RBFOX1: variants seen among roughly 807,000 people sequenced by gnomAD.
RBFOX1 encodes RNA binding protein fox-1 homolog 1.
A neutral mutation model predicts 57.7 loss-of-function variants in RBFOX1; 8 were observed. That is an observed-to-expected ratio of 0.14 (90% CI 0.08 to 0.25). RBFOX1 has a LOEUF of 0.25. RBFOX1 is among the 10% of genes least tolerant of loss of function. RBFOX1 has a pLI of 1.00. For synonymous variants in RBFOX1, 326 were observed against 222.4 expected, an observed-to-expected ratio of 1.47 and a Z score of -4.15; for missense variants, 611 against 548.5, an observed-to-expected ratio of 1.11 and a Z score of -1.14.
intron 4 of RBFOX1, among the ~76,000 whole-genome samples, chr16:7,370,482 C>T (rs143810035): frequency 1.1e-4 from 16 of 152,276 alleles, no homozygotes; most frequent in East Asian, 5.8e-4. Context: ...TTTATCAACG[C>T]GGGTAAGTTC....
intron 1 of RBFOX1, among the ~76,000 whole-genome samples, chr16:5,330,685 G>A (rs1596541055): frequency 1.3e-5 from 2 of 151,352 alleles, no homozygotes; most frequent in East Asian, 3.9e-4. Context: ...GATTACAGGT[G>A]TGAGCCAGTT....
At chr16:7,386,044 C>G (rs1338292667) in intron 4 of RBFOX1, among the ~76,000 whole-genome samples, 1 of 151,982 alleles carries the variant, frequency 6.6e-6, no homozygotes, top group Non-Finnish European at 1.5e-5. Context: ...ACGGCTCAGC[C>G]TCCCAAAGTG....
Position 5,526,139 on chromosome 16 carries a change from G to A in RBFOX1, c.258+58885G>A, listed in dbSNP as rs931320282. ...CCTTGGCTGCTCAGGCCTCTGTCTC[G>A]AGAGTGACTTTGCTTCTCTCTTCCC... On this transcript the variant is annotated intron_variant, in intron 2 of 2. Coordinates refer to the RBFOX1 transcript ENST00000585867. 7.2e-5 allele frequency among the ~76,000 whole-genome samples: 11 copies of A among 152,006 alleles called. No homozygotes were observed. The South Asian group carries it at 1.2e-3, about 17-fold the overall frequency.
At chr16:6,514,914 A>G (rs1179482003) in intron 2 of RBFOX1, among the ~76,000 whole-genome samples, 1 of 152,116 alleles carries the variant, frequency 6.6e-6, no homozygotes, top group Non-Finnish European at 1.5e-5. Context: ...GAGGGAGAGA[A>G]AAGGGGAGAA....
At chr16:7,222,207 G>C (rs2092782285) in intron 4 of RBFOX1, among the ~76,000 whole-genome samples, 1 of 152,206 alleles carries the variant, frequency 6.6e-6, no homozygotes, top group South Asian at 2.1e-4. Context: ...AGGGCAGGTG[G>C]TTCACAAAGG....
intron 3 of RBFOX1, among the ~76,000 whole-genome samples, chr16:6,738,736 C>A (rs962179578): frequency 3.3e-5 from 5 of 152,038 alleles, no homozygotes; most frequent in African/African-American, 1.2e-4. Context: ...ATGTCCTAGG[C>A]CATAAAATAG....
chr16:5,287,728 T>G (rs2063432108), intron 1 of RBFOX1, among the ~76,000 whole-genome samples: 1 of 152,144 alleles, frequency 6.6e-6, no homozygotes, highest in Non-Finnish European at 1.5e-5. Context: ...CGAGCACAAA[T>G]GAATGCACAG....
chr16:7,464,811 C>G (rs1275988319), intron 4 of RBFOX1, among the ~76,000 whole-genome samples: 2 of 150,482 alleles, frequency 1.3e-5, no homozygotes, highest in Admixed American at 1.3e-4. Flanking sequence ...ATTCTCCTGC[C>G]TCAGCCTCCC....
intron 3 of RBFOX1, among the ~76,000 whole-genome samples, chr16:6,859,174 T>TAC (rs778753196): frequency 0.078 from 4,990 of 64,314 alleles, 301 homozygotes; most frequent in African/African-American, 0.11. Flanking sequence ...CGTATATATA[T>TAC]GTATATATAT....
intron 1 of RBFOX1, among the ~76,000 whole-genome samples, chr16:5,279,478 A>G (rs2063218346): frequency 6.6e-6 from 1 of 150,926 alleles, no homozygotes; most frequent in Admixed American, 6.6e-5. Context: ...ACTGAATTAT[A>G]CGTCCGTTTT....
intron 4 of RBFOX1, among the ~76,000 whole-genome samples, chr16:7,320,925 T>C (rs1200187783): frequency 6.6e-6 from 1 of 152,124 alleles, no homozygotes; most frequent in Non-Finnish European, 1.5e-5. Context: ...CAGCCAGGGA[T>C]TTTCAGAGCC....
chr16:7,515,961 C>T lies in RBFOX1; in HGVS notation c.28-2186C>T. Among the ~76,000 whole-genome samples, 6 of 152,278 alleles carry T rather than the reference C, an allele frequency of 3.9e-5. No individual in the cohort carries two copies. In the East Asian group the frequency reaches 1.2e-3, roughly 29 times the overall value. On this transcript the variant is annotated intron_variant, in intron 4 of 15. Coordinates refer to ENST00000550418, the MANE Select transcript of RBFOX1 (RefSeq NM_018723.4). The stretch of plus-strand genomic sequence containing the variant: ...CCACATTCAAGTGGTTCTCCTGCCT[C>T]AGTCTCCGGAGTAGCTAAGATTACA...
At chr16:5,923,383 G>A (rs2152233212) in intron 4 of RBFOX1, among the ~76,000 whole-genome samples, 2 of 152,210 alleles carry the variant, frequency 1.3e-5, no homozygotes, top group East Asian at 3.9e-4. Flanking sequence ...TGCCAAAGGT[G>A]GAGGTTGAAT....
intron 4 of RBFOX1, among the ~76,000 whole-genome samples, chr16:6,012,165 C>T (rs2094965094): frequency 6.6e-6 from 1 of 152,202 alleles, no homozygotes; most frequent in Non-Finnish European, 1.5e-5. Context: ...TGCTTACTAC[C>T]TTGGCGACTG....
At chr16:6,520,749 C>T (rs940329109) in intron 2 of RBFOX1, among the ~76,000 whole-genome samples, 1 of 152,168 alleles carries the variant, frequency 6.6e-6, no homozygotes, top group African/African-American at 2.4e-5. Context: ...TCGTTTCGAT[C>T]AAGTGCCAGT....
chr16:6,895,450 A>ATATG, intron 3 of RBFOX1, among the ~76,000 whole-genome samples: 1 of 39,424 alleles, frequency 2.5e-5, no homozygotes, highest in Admixed American at 2.9e-4. Context: ...GTGTGTGTGT[A>ATATG]TATATATATA....
At chr16:7,054,495 C>A (rs926353074) in intron 4 of RBFOX1, among the ~76,000 whole-genome samples, 8 of 136,880 alleles carry the variant, frequency 5.8e-5, no homozygotes, top group African/African-American at 2.1e-4. Flanking sequence ...CCAGCCTCGG[C>A]CCCCCAAGGT....
chr16:5,700,825 G>T (rs2051020997), intron 3 of RBFOX1, among the ~76,000 whole-genome samples: 1 of 152,024 alleles, frequency 6.6e-6, no homozygotes, highest in Admixed American at 6.6e-5. Flanking sequence ...CTCAATTTGG[G>T]TCCCACACCC....
intron 1 of RBFOX1, among the ~76,000 whole-genome samples, chr16:6,286,859 C>T (rs1352183396): frequency 6.6e-6 from 1 of 152,172 alleles, no homozygotes; most frequent in East Asian, 1.9e-4. Flanking sequence ...TATCTCCCTG[C>T]ACTAGAATGC....
Sources: allele counts gnomAD v4.1 joint callset (sites outside exome capture counted in the v4.1 genomes callset), GRCh38; gene constraint gnomAD v4.1.1; transcripts MANE v1.5; gene names NCBI Gene and HGNC (gene_info 2026-07-23, HGNC 2026-07-21).